The following HPCAL1 variants were observed in gnomAD, a reference collection of about 807,000 sequenced individuals.
The protein encoded by HPCAL1 is hippocalcin like 1.
In HPCAL1, 8 loss-of-function variants were observed where a neutral mutation model predicts 17.1. The observed-to-expected ratio is 0.47, with a 90% CI of 0.27 to 0.84. The LOEUF (loss-of-function observed/expected upper bound fraction) is 0.84, where lower values mean the gene tolerates loss of function less well. Among genes scored for constraint, HPCAL1 ranks in the 40% least tolerant of loss-of-function variants. The pLI, the probability that HPCAL1 is intolerant of heterozygous loss-of-function variation, is 0.13. For synonymous variants in HPCAL1, 112 were observed against 111.4 expected (o/e 1.01, Z -0.03); for missense variants, 165 against 271.1 (o/e 0.61, Z 2.75).
At chr2:10,348,428 G>A (rs985159673) in intron 1 of HPCAL1, among the ~76,000 whole-genome samples, 3 of 151,922 alleles carry the variant, frequency 2.0e-5, no homozygotes, top group Admixed American at 6.6e-5. Flanking sequence ...CAGCCTGCAC[G>A]ACAGAGCAAG....
intron 1 of HPCAL1, among the ~76,000 whole-genome samples, chr2:10,315,439 A>G (rs1663256423): frequency 6.6e-6 from 1 of 152,102 alleles, no homozygotes; most frequent in South Asian, 2.1e-4. Context: ...TTGATTTTTC[A>G]TGTTTTGCCA....
intron 2 of HPCAL1, among the ~76,000 whole-genome samples, chr2:10,416,581 C>G (rs1389678918): frequency 2.0e-5 from 3 of 152,142 alleles, no homozygotes; most frequent in African/African-American, 7.2e-5. Flanking sequence ...TTCGAGCAAC[C>G]TGGGCAACAT....
intron 1 of HPCAL1, among the ~76,000 whole-genome samples, chr2:10,360,415 ATCT>A (rs1666447191): frequency 6.8e-6 from 1 of 146,262 alleles, no homozygotes; most frequent in Admixed American, 7.3e-5. Context: ...TGTTAACTGA[ATCT>A]TTTTTTTTTT....
At chr2:10,411,392 C>T (rs967342263) in intron 2 of HPCAL1, among the ~76,000 whole-genome samples, 1 of 152,214 alleles carries the variant, frequency 6.6e-6, no homozygotes, top group African/African-American at 2.4e-5. Context: ...CTCGGCCTAG[C>T]CAGGAGTGAC....
At chr2:10,421,921 C>T (rs9917369) in intron 3 of HPCAL1, among the ~76,000 whole-genome samples, 25,550 of 152,146 alleles carry the variant, frequency 0.17, 2,226 homozygotes, top group South Asian at 0.19. Context: ...CTGGTACTGT[C>T]GTCACTTTCT....
intron 1 of HPCAL1, among the ~76,000 whole-genome samples, chr2:10,381,972 G>T (rs548334207): frequency 7.8e-4 from 119 of 152,362 alleles, no homozygotes; most frequent in African/African-American, 2.7e-3. Context: ...CTGCACATGG[G>T]TGTTCATAGC....
At chr2:10,410,350 A>G (rs975082518) in intron 2 of HPCAL1, among the ~76,000 whole-genome samples, 2 of 151,732 alleles carry the variant, frequency 1.3e-5, no homozygotes, top group Admixed American at 6.6e-5. Flanking sequence ...TTTACAGGCA[A>G]TACCGACTCT....
rs1371456767 is a variant in HPCAL1, at chr2:10,426,900, C to A, written c.*79C>A. 9 of 1,336,328 alleles carry A rather than the reference C, an allele frequency of 6.7e-6. 1 individual carries two copies. Among genetic ancestry groups the A allele is most frequent in the South Asian group, 5.9e-5 (5 of 85,184 alleles). 82.8% of individuals were successfully genotyped at this position (1,336,328 alleles called of 1,614,324 possible). A position where few individuals can be genotyped will look rare whatever the true frequency, so the allele number is the denominator to read the frequency against. On this transcript the variant is annotated 3_prime_UTR_variant, in exon 5 of 5. Transcript: ENST00000307845. ...GCTTTGCTTGCAAGAGTGGATGCCC[C>A]GCAATCGTTCCTGCTCTCCCGGGCC... is the stretch of plus-strand genomic sequence containing the variant.
intron 1 of HPCAL1, among the ~76,000 whole-genome samples, chr2:10,337,653 G>C (rs899680001): frequency 1.1e-4 from 17 of 152,170 alleles, no homozygotes; most frequent in African/African-American, 4.1e-4. Context: ...GCACAGCTGG[G>C]GATGAGGCGT....
intron 2 of HPCAL1, among the ~76,000 whole-genome samples, chr2:10,399,707 G>T (rs547038091): frequency 6.6e-6 from 1 of 152,128 alleles, no homozygotes; most frequent in East Asian, 1.9e-4. Context: ...AGGGCCTTCC[G>T]CTTCTCTCTG....
chr2:10,399,042 C>T (rs900305204), intron 2 of HPCAL1, among the ~76,000 whole-genome samples: 27 of 151,802 alleles, frequency 1.8e-4, no homozygotes, highest in Admixed American at 6.6e-5. Flanking sequence ...CACGGGTGCA[C>T]AGGGGAGGCG....
chr2:10,412,289 A>G (rs1572850142), intron 2 of HPCAL1, among the ~76,000 whole-genome samples: 1 of 152,364 alleles, frequency 6.6e-6, no homozygotes, highest in Non-Finnish European at 1.5e-5. Context: ...CCTCCTGCAT[A>G]CCTGGAATGA....
intron 2 of HPCAL1, among the ~76,000 whole-genome samples, chr2:10,397,499 C>G (rs1033199693): frequency 1.1e-4 from 17 of 149,272 alleles, no homozygotes; most frequent in Non-Finnish European, 1.9e-4. Flanking sequence ...TGTCTGAATC[C>G]GCCACCCTGC....
chr2:10,369,395 T>G (rs1406118257), intron 1 of HPCAL1, among the ~76,000 whole-genome samples: 1 of 152,234 alleles, frequency 6.6e-6, no homozygotes, highest in African/African-American at 2.4e-5. Flanking sequence ...TTTCTGGCCT[T>G]GCCTGTCTGC....
intron 3 of HPCAL1, among the ~76,000 whole-genome samples, chr2:10,422,193 G>A (rs115022850): frequency 0.027 from 4,111 of 152,248 alleles, 203 homozygotes; most frequent in African/African-American, 0.095. Context: ...CTCCCTGGCC[G>A]GCTGGGTGGT....
intron 2 of HPCAL1, among the ~76,000 whole-genome samples, chr2:10,399,208 G>GCAC (rs113515977): frequency 0.097 from 494 of 5,072 alleles, 71 homozygotes; most frequent in Non-Finnish European, 0.17. Flanking sequence ...TAATATCACT[G>GCAC]CACCACCACC....
rs555463833 is a variant in HPCAL1, at chr2:10,344,735, A to G, written c.-111+41558A>G. Among the ~76,000 whole-genome samples the G allele has an allele frequency of 6.7e-6, 1 of 150,198 alleles. No individual in the cohort carries two copies. Among genetic ancestry groups the G allele is most frequent in the African/African-American group, 2.5e-5 (1 of 40,740 alleles). On this transcript the variant is annotated intron_variant, in intron 1 of 4. Transcript: ENST00000307845. The surrounding 1 kb of genome is among the most constrained non-coding windows in gnomAD (Gnocchi z 4.9). ...TCTCTGTGTCTGTCTGTCTGTCTCT[A>G]TGTGTCTGTTTCTCTCTCCCTCTTT...
intron 1 of HPCAL1, among the ~76,000 whole-genome samples, chr2:10,315,292 C>CAAA (rs5829256): frequency 1.5e-5 from 2 of 134,394 alleles, no homozygotes; most frequent in Non-Finnish European, 1.6e-5. Context: ...GACTCCGTCT[C>CAAA]AAAAAAAAAA....
chr2:10,423,239 G>C (rs543220049), intron 4 of HPCAL1, 151 bp downstream of exon 4: 3 of 655,818 alleles, frequency 4.6e-6, no homozygotes, highest in African/African-American at 1.8e-5. Context: ...GCCCAGGGAA[G>C]AGCGGGATGC....
Sources: gnomAD v4.1 joint callset for allele counts (sites outside exome capture counted in the v4.1 genomes callset) on GRCh38, gnomAD v4.1.1 for gene constraint, Gnocchi (gnomAD v3.1) non-coding constraint, MANE v1.5 for transcripts, NCBI Gene and HGNC (gene_info 2026-07-23, HGNC 2026-07-21) for gene names.